TJP3: variants seen among roughly 807,000 people sequenced by gnomAD.
The protein encoded by TJP3 is tight junction protein 3, also known as tight junction protein ZO-3.
Under a neutral mutation model 104.2 loss-of-function variants are expected in TJP3, and 85 were observed. That is an observed-to-expected ratio of 0.82 (90% CI 0.68 to 0.98). TJP3 has a LOEUF of 0.98. TJP3 is among the 50% of genes least tolerant of loss of function. TJP3 has a pLI of 0.00. For missense variants in TJP3, 1,367 were observed against 1,322.8 expected (o/e 1.03, Z -0.52); for synonymous variants, 550 against 550.6 (o/e 1.00, Z 0.02).
At chr19:3,732,099 C>A in intron 6 of TJP3, 61 bp downstream of exon 6, 1 of 1,425,628 alleles carries the variant, frequency 7.0e-7, no homozygotes. Flanking sequence ...GCGGGCAGTC[C>A]CACGGAGTCA....
intron 1 of TJP3, among the ~76,000 whole-genome samples, chr19:3,715,933 C>A (rs2036472970): frequency 6.7e-6 from 1 of 149,374 alleles, no homozygotes; most frequent in Admixed American, 6.7e-5. Flanking sequence ...CACCCACCAC[C>A]ACACTCGGCT....
chr19:3,724,988 C>T (rs1022000087), intron 1 of TJP3, among the ~76,000 whole-genome samples: 3 of 152,052 alleles, frequency 2.0e-5, no homozygotes, highest in South Asian at 2.1e-4. Flanking sequence ...AGGCTGGGTG[C>T]GGTGGCTCAC....
At chr19:3,726,337 C>T (rs1487260339) in intron 1 of TJP3, among the ~76,000 whole-genome samples, 1 of 152,232 alleles carries the variant, frequency 6.6e-6, no homozygotes, top group Non-Finnish European at 1.5e-5. Flanking sequence ...GAGGCTCACG[C>T]CTGTAATCCC....
At chr19:3,710,148 CAAAAA>C (rs34705583) in intron 1 of TJP3, among the ~76,000 whole-genome samples, 3 of 88,778 alleles carry the variant, frequency 3.4e-5, no homozygotes, top group Non-Finnish European at 6.6e-5. Flanking sequence ...GACTCTGTCT[CAAAAA>C]AAAAAAAAAA....
intron 9 of TJP3, 67 bp from the exon 10 acceptor site, chr19:3,735,801 TA>T: frequency 6.2e-7 from 1 of 1,604,900 alleles, no homozygotes; most frequent in Non-Finnish European, 8.5e-7. Flanking sequence ...GATGAGGACA[TA>T]AAGCAAAGGT....
chr19:3,743,109 C>G (rs1345661885), intron 14 of TJP3, among the ~76,000 whole-genome samples: 1 of 151,504 alleles, frequency 6.6e-6, no homozygotes, highest in Non-Finnish European at 1.5e-5. Flanking sequence ...ACTAAAAATA[C>G]AAAAATTAGC....
intron 7 of TJP3, 102 bp from the exon 8 acceptor site, chr19:3,734,225 C>A: frequency 7.9e-7 from 1 of 1,266,192 alleles, no homozygotes; most frequent in Non-Finnish European, 1.1e-6. Context: ...TGACTTTGGT[C>A]TAGGGCCCTT....
In TJP3 at chr19:3,730,184, G is replaced by T; in HGVS notation, c.261+54G>T. The T allele has an allele frequency of 1.3e-6, 2 of 1,574,060 alleles. No individual in the cohort carries two copies. The highest frequency in any genetic ancestry group is 1.7e-6 in the Non-Finnish European group (2 of 1,144,316). On this transcript the variant is annotated intron_variant, in intron 4 of 20. Coordinates refer to ENST00000541714, the MANE Select transcript of TJP3 (RefSeq NM_001267560.2). This position sits in a 1 kb window ranked among gnomAD's most constrained non-coding sequence, Gnocchi z 7.3. ...CATCTCTGACCCCAGCCTGGGTCGT[G>T]CCGCTGTGGGGGTTGTAAGCTTCTG...
chr19:3,738,789 C>T (rs1316851032), intron 12 of TJP3, 108 bp from the exon 13 acceptor site: 1 of 1,318,214 alleles, frequency 7.6e-7, no homozygotes, highest in Non-Finnish European at 1.1e-6. Flanking sequence ...TCTCCCTGGC[C>T]CCTACAGGGA....
Position 3,740,729 on chromosome 19 carries a change from C to CT in TJP3, c.1810dup (p.Tyr604LeufsTer35). Reference sequence around the variant, plus strand: ...TCTCAGCTCTGACCCGACAGGGCCGCTACCCGCCCTACGAACGAGTGGTGT... The same window carrying CT: ...TCTCAGCTCTGACCCGACAGGGCCGCTTACCCGCCCTACGAACGAGTGGTGT... On this transcript the variant is annotated frameshift_variant, in exon 14 of 21. Transcript: ENST00000541714. LOFTEE classifies it high-confidence loss of function. The CT allele has an allele frequency of 6.3e-7, 1 of 1,595,430 alleles. No individual in the cohort carries two copies. Among genetic ancestry groups the CT allele is most frequent in the Non-Finnish European group, 8.5e-7 (1 of 1,171,746 alleles).
chr19:3,745,490 C>T (rs627379), intron 15 of TJP3, among the ~76,000 whole-genome samples: 93,527 of 151,934 alleles, frequency 0.62, 29,108 homozygotes, highest in Admixed American at 0.74. Context: ...GATGAGATCA[C>T]GTCTCCCTCC....
intron 1 of TJP3, among the ~76,000 whole-genome samples, chr19:3,712,184 C>T (rs936804955): frequency 6.6e-6 from 1 of 152,168 alleles, no homozygotes; most frequent in Non-Finnish European, 1.5e-5. Flanking sequence ...GGTGTGTTGG[C>T]GTGTGCCTAT....
chr19:3,730,292 G>C lies in TJP3; in HGVS notation c.262-63G>C. The C allele has an allele frequency of 6.7e-7, 1 of 1,497,726 alleles. No individual in the cohort carries two copies. 92.8% of individuals were successfully genotyped at this position (1,497,726 alleles called of 1,614,324 possible). A position where few individuals can be genotyped will look rare whatever the true frequency, so the allele number is the denominator to read the frequency against. On this transcript the variant is annotated intron_variant, in intron 4 of 20. Transcript: ENST00000541714. This position sits in a 1 kb window ranked among gnomAD's most constrained non-coding sequence, Gnocchi z 7.3. Reference sequence around the variant, plus strand: ...TGGTGTCCCCCAGGGCCACCCGGGGGCTGAGCAGAGCCTCCCCCAGCCCTT... The same window carrying C: ...TGGTGTCCCCCAGGGCCACCCGGGGCCTGAGCAGAGCCTCCCCCAGCCCTT...
At chr19:3,715,191 G>A (rs565995653) in intron 1 of TJP3, among the ~76,000 whole-genome samples, 2 of 151,524 alleles carry the variant, frequency 1.3e-5, no homozygotes, top group African/African-American at 2.4e-5. Context: ...CCGGGTTCAC[G>A]CCATTCTCCT....
intron 19 of TJP3, among the ~76,000 whole-genome samples, chr19:3,748,729 T>C (rs1247472965): frequency 6.7e-6 from 1 of 148,404 alleles, no homozygotes; most frequent in Non-Finnish European, 1.5e-5. Context: ...CCACCATGCC[T>C]GGCTGATTTT....
intron 1 of TJP3, among the ~76,000 whole-genome samples, chr19:3,718,237 G>GTGTC (rs2036506749): frequency 7.8e-6 from 1 of 128,050 alleles, no homozygotes; most frequent in Non-Finnish European, 1.6e-5. Context: ...GTGTGTGTGT[G>GTGTC]TGTGTGTGTG....
chr19:3,743,387 A>C (rs575667510), intron 14 of TJP3, among the ~76,000 whole-genome samples: 1 of 152,330 alleles, frequency 6.6e-6, no homozygotes, highest in East Asian at 1.9e-4. Flanking sequence ...CAGTGGTAAA[A>C]TGGTGTATCT....
rs369328039 is a variant in TJP3 at position 3,736,254 on chromosome 19, T to C, written c.1217T>C (p.Val406Ala). The change falls in exon 11 of 21, where the codon GTG becomes GCG. Residue 406 changes from valine to alanine, a missense_variant. Val to Ala is a moderately conservative substitution (Grantham distance 64, BLOSUM62 0). Coordinates refer to ENST00000541714, the MANE Select transcript of TJP3 (RefSeq NM_001267560.2). ...GGGGGCAATGACGTGGGCATCTTCG[T>C]GTCCGGGGTGCAGGCGGGCAGCCCG... is the stretch of plus-strand genomic sequence containing the variant. ...LAGGNDVGIF[V>A]SGVQAGSPAD... The C allele has an allele frequency of 4.5e-6, 7 of 1,563,548 alleles. No homozygotes were observed. The African/African-American group carries it at 9.6e-5, about 21-fold the overall frequency.
Position 3,750,615 on chromosome 19 carries a change from T to A in TJP3, c.2691T>A (p.Phe897Leu), listed in dbSNP as rs567269444. The A allele has an allele frequency of 5.6e-6, 9 of 1,609,154 alleles. No homozygotes were observed. The highest frequency in any genetic ancestry group is 7.6e-6 in the Non-Finnish European group (9 of 1,177,936). The change falls in exon 21 of 21, where the codon TTT becomes TTA. Residue 897 changes from phenylalanine (F) to leucine (L), a missense_variant. Phe to Leu is a conservative substitution (Grantham distance 22). Transcript: ENST00000541714. The stretch of plus-strand genomic sequence containing the variant: ...AACGGGAAGCCCTGAAGAAAAAGTT[T>A]ATGCGAGTACATGATGCGGAGTCCT... ...TYEREALKKKFMRVHDAESSD... is the reference protein window; with the variant it reads ...TYEREALKKKLMRVHDAESSD...
Sources: gnomAD v4.1 joint callset for allele counts (sites outside exome capture counted in the v4.1 genomes callset) on GRCh38, gnomAD v4.1.1 for gene constraint, Gnocchi (gnomAD v3.1) non-coding constraint, MANE v1.5 for transcripts, NCBI Gene and HGNC (gene_info 2026-07-23, HGNC 2026-07-21) for gene names.